Variants in MAP2 observed in about 807,000 individuals in gnomAD.
MAP2 encodes the protein microtubule-associated protein 2.
A neutral mutation model predicts 137.6 loss-of-function variants in MAP2; 14 were observed. The observed-to-expected ratio is 0.10, with a 90% CI of 0.07 to 0.16. The LOEUF is 0.16. Among genes scored for constraint, MAP2 ranks in the 10% least tolerant of loss-of-function variants. The pLI, the probability that MAP2 is intolerant of heterozygous loss-of-function variation, is 1.00. For synonymous variants in MAP2, 786 were observed against 782.3 expected (o/e 1.00, Z -0.08); for missense variants, 2,088 against 2,191.5 (o/e 0.95, Z 0.94).
At chr2:209,603,300 C>A (rs1219926866) in intron 3 of MAP2, among the ~76,000 whole-genome samples, 5 of 152,098 alleles carry the variant, frequency 3.3e-5, no homozygotes, top group African/African-American at 1.2e-4. Flanking sequence ...TACCATGTTT[C>A]CCACGAAAGA....
At chr2:209,451,355 T>A (rs1199718979) in intron 1 of MAP2, among the ~76,000 whole-genome samples, 1 of 152,142 alleles carries the variant, frequency 6.6e-6, no homozygotes, top group East Asian at 1.9e-4. Flanking sequence ...CAAGAATAGG[T>A]GATCAGCAGG....
chr2:209,698,491 A>G (rs1218892623), intron 10 of MAP2, among the ~76,000 whole-genome samples: 1 of 152,216 alleles, frequency 6.6e-6, no homozygotes, highest in African/African-American at 2.4e-5. Flanking sequence ...GTTAAGAGGA[A>G]CATTAGCCTT....
rs565739303 is a variant in MAP2, at chr2:209,613,284, A to T, written c.-106-11769A>T. On this transcript the variant is annotated intron_variant, in intron 3 of 15. Coordinates refer to ENST00000682079, the MANE Select transcript of MAP2 (RefSeq NM_001375505.1). ...ATTTATTTATTTATTTATTTATTTT[A>T]ATCTGTTTTCTATAGCTGCATGAGT... 2.0e-5 allele frequency among the ~76,000 whole-genome samples: 3 copies of T among 150,778 alleles called. No homozygotes were observed. In the South Asian group the frequency reaches 6.3e-4, roughly 32 times the overall value.
At position 209,669,163 on chromosome 2, in the gene MAP2, G is replaced by A. The variant is rs533627458; in HGVS notation, c.263-9409G>A. ...TAATAGTTAATGAGAAACTTGCTAA[G>A]AAGAAAGCAGATAAGGTTGATGATT... On this transcript the variant is annotated intron_variant, in intron 5 of 15. Transcript: ENST00000682079. Among the ~76,000 whole-genome samples the A allele has an allele frequency of 3.2e-3, 481 of 152,192 alleles. 2 individuals are homozygous for A. The highest frequency in any genetic ancestry group is 0.01 in the Middle Eastern group (3 of 294).
rs996740858 is a variant in MAP2, at chr2:209,516,920, A to C, written c.-172+9279A>C. Among the ~76,000 whole-genome samples, 21 of 152,144 alleles carry C rather than the reference A, an allele frequency of 1.4e-4. 1 individual carries two copies. The highest frequency in any genetic ancestry group is 2.6e-4 in the Non-Finnish European group (18 of 68,012). On this transcript the variant is annotated intron_variant, in intron 2 of 15. Transcript: ENST00000682079. ...AGAGAGAAATCGTACTTACATATTC[A>C]GGTTAGGCTATTACATAGGCACTTC...
intron 4 of MAP2, among the ~76,000 whole-genome samples, chr2:209,635,384 C>T (rs2093461938): frequency 6.6e-6 from 1 of 152,048 alleles, no homozygotes; most frequent in Non-Finnish European, 1.5e-5. Context: ...GATATATGGC[C>T]TTTTAAGGAA....
At chr2:209,435,928 A>ATT (rs1027288066) in intron 1 of MAP2, among the ~76,000 whole-genome samples, 4 of 143,356 alleles carry the variant, frequency 2.8e-5, no homozygotes, top group Admixed American at 2.2e-4. Flanking sequence ...AAATATATAT[A>ATT]TTATATATAT....
intron 7 of MAP2, among the ~76,000 whole-genome samples, chr2:209,682,764 G>T (rs1281530267): frequency 6.6e-6 from 1 of 152,126 alleles, no homozygotes; most frequent in Non-Finnish European, 1.5e-5. Flanking sequence ...ACTGAAGGGG[G>T]TCCGTGGCTG....
At chr2:209,676,840 G>T (rs1301467301) in intron 5 of MAP2, among the ~76,000 whole-genome samples, 1 of 146,540 alleles carries the variant, frequency 6.8e-6, no homozygotes, top group Non-Finnish European at 1.5e-5. Context: ...TCACTGGGGT[G>T]CTAGAAGAAG....
intron 2 of MAP2, among the ~76,000 whole-genome samples, chr2:209,573,602 C>T (rs1254734467): frequency 1.3e-5 from 2 of 152,056 alleles, no homozygotes; most frequent in African/African-American, 4.8e-5. Flanking sequence ...CCCCTTATTA[C>T]TTTATTTTTT....
intron 1 of MAP2, among the ~76,000 whole-genome samples, chr2:209,429,413 C>T (rs1693620972): frequency 6.6e-6 from 1 of 151,334 alleles, no homozygotes; most frequent in African/African-American, 2.4e-5. Flanking sequence ...AGTAAAGTTA[C>T]TATGTGTCAG....
chr2:209,690,955 T>G, intron 7 of MAP2: 1 of 1,061,848 alleles, frequency 9.4e-7, no homozygotes, highest in Middle Eastern at 2.8e-4. Flanking sequence ...TCGCTGGGTC[T>G]TATGATAACA....
At chr2:209,526,781 C>T (rs1046659805) in intron 2 of MAP2, among the ~76,000 whole-genome samples, 14 of 151,218 alleles carry the variant, frequency 9.3e-5, no homozygotes, top group Admixed American at 8.0e-4. Flanking sequence ...CTAAATCTAA[C>T]GGCATCCCTG....
At chr2:209,512,395 C>G (rs1187815905) in intron 2 of MAP2, among the ~76,000 whole-genome samples, 1 of 151,722 alleles carries the variant, frequency 6.6e-6, no homozygotes, top group Admixed American at 6.6e-5. Context: ...TCCTTGAAAA[C>G]AAACAAACAA....
At chr2:209,643,676 T>C (rs2094200090) in intron 4 of MAP2, among the ~76,000 whole-genome samples, 1 of 150,208 alleles carries the variant, frequency 6.7e-6, no homozygotes, top group African/African-American at 2.5e-5. Flanking sequence ...GCCCATTGTT[T>C]TCATAATGTG....
chr2:209,458,911 G>A (rs898937794), intron 1 of MAP2, among the ~76,000 whole-genome samples: 1 of 152,112 alleles, frequency 6.6e-6, no homozygotes, highest in Admixed American at 6.6e-5. Flanking sequence ...ATACTTATAT[G>A]TAGCTTATAG....
intron 2 of MAP2, among the ~76,000 whole-genome samples, chr2:209,543,026 A>G (rs2067329070): frequency 6.6e-6 from 1 of 152,236 alleles, no homozygotes; most frequent in South Asian, 2.1e-4. Context: ...AGTTTTTAAC[A>G]TGCCTGCCTC....
In MAP2 at chr2:209,645,437, G is replaced by A. The variant is rs576140390; in HGVS notation, c.-29-7705G>A. On this transcript the variant is annotated intron_variant, in intron 4 of 15. Coordinates refer to ENST00000682079, the MANE Select transcript of MAP2 (RefSeq NM_001375505.1). Reference sequence around the variant, plus strand: ...ATTTAAAAAGTATTCCAAGGAAGAAGAACAAAGGAGAAATACTTTAAAAAA... The same window carrying A: ...ATTTAAAAAGTATTCCAAGGAAGAAAAACAAAGGAGAAATACTTTAAAAAA... Among the ~76,000 whole-genome samples the A allele has an allele frequency of 1.0e-4, 15 of 150,560 alleles. No homozygotes were observed. The South Asian group carries it at 3.2e-3, about 32-fold the overall frequency.
At chr2:209,509,980 A>G (rs986794291) in intron 2 of MAP2, among the ~76,000 whole-genome samples, 3 of 151,680 alleles carry the variant, frequency 2.0e-5, no homozygotes, top group African/African-American at 2.4e-5. Flanking sequence ...ATGAAACACA[A>G]TATTACTGAA....
Sources: allele counts gnomAD v4.1 joint callset (sites outside exome capture counted in the v4.1 genomes callset), GRCh38; gene constraint gnomAD v4.1.1; transcripts MANE v1.5; gene names NCBI Gene and HGNC (gene_info 2026-07-23, HGNC 2026-07-21).